The following CCSER1 variants were observed in gnomAD, a reference collection of about 807,000 sequenced individuals.
CCSER1 encodes serine-rich coiled-coil domain-containing protein 1.
Under a neutral mutation model 82.0 loss-of-function variants are expected in CCSER1, and 41 were observed. The observed-to-expected ratio is 0.50, with a 90% CI of 0.39 to 0.65. The LOEUF is 0.65. Ranked by LOEUF, CCSER1 falls within the 30% of genes least tolerant of loss-of-function variation. CCSER1 has a pLI of 0.00. For synonymous variants in CCSER1, 414 were observed against 383.9 expected, an observed-to-expected ratio of 1.08 and a Z score of -0.92; for missense variants, 1,119 against 1,064.2, an observed-to-expected ratio of 1.05 and a Z score of -0.72.
In CCSER1 at chr4:90,393,685, GT is replaced by G. The variant is rs1561156573; in HGVS notation, c.1510-6347del. Reference sequence around the variant, plus strand: ...TCTCTATGAGACATAATTAATGACTGTTTTAGTAATTTAAAAATATTAATAA... The same window carrying G: ...TCTCTATGAGACATAATTAATGACTGTTTAGTAATTTAAAAATATTAATAA... On this transcript the variant is annotated intron_variant, in intron 3 of 10. Transcript: ENST00000509176. Among the ~76,000 whole-genome samples the G allele has an allele frequency of 2.0e-5, 3 of 148,344 alleles. No homozygotes were observed. In the South Asian group the frequency reaches 6.5e-4, roughly 32 times the overall value.
rs1303633871 is a variant in CCSER1 at position 91,275,307 on chromosome 4, GTTTGTTTTTGTTT to G, written c.2217+189329_2217+189341del. 9.1e-4 allele frequency among the ~76,000 whole-genome samples: 102 copies of G among 112,472 alleles called. 1 individual carries two copies. The highest frequency in any genetic ancestry group is 3.2e-4 in the East Asian group (1 of 3,114). The allele number at this position is 112,472 out of a possible 152,430, so 73.8% of individuals were successfully genotyped here. The stretch of plus-strand genomic sequence containing the variant: ...TCCTTGCCAGCATCTGTTTTTTTTT[GTTTGTTTTTGTTT>G]TTTGTTTTTGTTTTTGTTTTTGTCT... On this transcript the variant is annotated intron_variant, in intron 10 of 10. Transcript: ENST00000509176.
intron 6 of CCSER1, among the ~76,000 whole-genome samples, chr4:90,635,277 C>T (rs140355378): frequency 9.9e-5 from 15 of 151,490 alleles, no homozygotes; most frequent in Admixed American, 2.0e-4. Flanking sequence ...TTTTCAAATG[C>T]GAGTGGAACA....
At chr4:90,172,836 G>A (rs1731968503) in intron 1 of CCSER1, among the ~76,000 whole-genome samples, 1 of 151,832 alleles carries the variant, frequency 6.6e-6, no homozygotes, top group South Asian at 2.1e-4. Context: ...TGTGCCTGGT[G>A]GTATGGCTGG....
intron 8 of CCSER1, among the ~76,000 whole-genome samples, chr4:90,864,495 A>G (rs1275908797): frequency 1.3e-5 from 2 of 151,970 alleles, no homozygotes; most frequent in Non-Finnish European, 2.9e-5. Flanking sequence ...CTCTCTCTCC[A>G]TGTGATACCT....
intron 7 of CCSER1, among the ~76,000 whole-genome samples, chr4:90,788,918 C>T (rs1002226941): frequency 1.3e-5 from 2 of 152,074 alleles, no homozygotes; most frequent in East Asian, 3.9e-4. Flanking sequence ...ATTTTCCTCC[C>T]CCAGGCATTC....
chr4:91,355,640 A>G (rs956558460), intron 10 of CCSER1, among the ~76,000 whole-genome samples: 3 of 152,122 alleles, frequency 2.0e-5, no homozygotes, highest in Admixed American at 1.3e-4. Flanking sequence ...AAAAGTCCAA[A>G]TTTTAAGGAA....
chr4:90,298,645 C>A (rs996574977), intron 1 of CCSER1, among the ~76,000 whole-genome samples: 3 of 152,014 alleles, frequency 2.0e-5, no homozygotes, highest in Admixed American at 2.0e-4. Flanking sequence ...CTATAAATTT[C>A]CCTCTACACA....
intron 1 of CCSER1, among the ~76,000 whole-genome samples, chr4:90,168,669 C>G (rs370789361): frequency 2.0e-4 from 31 of 152,058 alleles, no homozygotes; most frequent in East Asian, 9.7e-4. Flanking sequence ...GTAAGGAAGG[C>G]ATCCAGTTTC....
At chr4:90,304,687 T>C (rs1443957108) in intron 1 of CCSER1, among the ~76,000 whole-genome samples, 2 of 152,012 alleles carry the variant, frequency 1.3e-5, no homozygotes, top group African/African-American at 2.4e-5. Flanking sequence ...TTAGGAGATA[T>C]ACCTAATGCT....
At chr4:90,744,814 G>A (rs1215225733) in intron 7 of CCSER1, among the ~76,000 whole-genome samples, 4 of 152,102 alleles carry the variant, frequency 2.6e-5, no homozygotes, top group Non-Finnish European at 2.9e-5. Flanking sequence ...CTAGTGATCT[G>A]AGGTGGAATA....
intron 4 of CCSER1, among the ~76,000 whole-genome samples, chr4:90,434,722 T>C (rs1758775574): frequency 6.6e-6 from 1 of 152,146 alleles, no homozygotes; most frequent in Admixed American, 6.6e-5. Flanking sequence ...GTGGCTGATT[T>C]GAGGAACCTT....
At chr4:91,101,009 A>G (rs572228328) in intron 10 of CCSER1, among the ~76,000 whole-genome samples, 1 of 152,306 alleles carries the variant, frequency 6.6e-6, no homozygotes, top group East Asian at 1.9e-4. Flanking sequence ...ATAGTGACAG[A>G]AAAATACTTT....
chr4:90,582,993 T>C (rs903107381), intron 5 of CCSER1, among the ~76,000 whole-genome samples: 1 of 152,222 alleles, frequency 6.6e-6, no homozygotes, highest in African/African-American at 2.4e-5. Flanking sequence ...TTTCAGTTCT[T>C]AAATACATTC....
chr4:91,249,884 A>G (rs540101495), intron 10 of CCSER1, among the ~76,000 whole-genome samples: 1 of 152,214 alleles, frequency 6.6e-6, no homozygotes, highest in African/African-American at 2.4e-5. Flanking sequence ...AACTCCAAGA[A>G]CTTGGCAAAT....
At chr4:91,376,854 C>T (rs1044394320) in intron 10 of CCSER1, among the ~76,000 whole-genome samples, 4 of 151,916 alleles carry the variant, frequency 2.6e-5, no homozygotes, top group Non-Finnish European at 4.4e-5. Context: ...GTGTGCTGCA[C>T]CCATTAACTC....
At chr4:90,965,758 A>T (rs1734502247) in intron 9 of CCSER1, among the ~76,000 whole-genome samples, 1 of 152,114 alleles carries the variant, frequency 6.6e-6, no homozygotes, top group South Asian at 2.1e-4. Flanking sequence ...AAAAAATGTA[A>T]AAGACGTGAG....
At chr4:90,935,023 T>C (rs1223467940) in intron 9 of CCSER1, among the ~76,000 whole-genome samples, 1 of 151,920 alleles carries the variant, frequency 6.6e-6, no homozygotes, top group African/African-American at 2.4e-5. Context: ...GAAATGCATA[T>C]ATATATGTAT....
At chr4:91,317,718 A>T (rs1745930314) in intron 10 of CCSER1, among the ~76,000 whole-genome samples, 1 of 151,948 alleles carries the variant, frequency 6.6e-6, no homozygotes, top group Admixed American at 6.6e-5. Flanking sequence ...GACTTTTGAG[A>T]ACATGTTGAC....
At position 90,301,907 on chromosome 4, in the gene CCSER1, A is replaced by C. The variant is rs540855034; in HGVS notation, c.-41-6337A>C. Among the ~76,000 whole-genome samples the C allele has an allele frequency of 3.2e-3, 481 of 152,300 alleles. 4 individuals are homozygous for C. Among genetic ancestry groups the C allele is most frequent in the African/African-American group, 0.011 (461 of 41,572 alleles). On this transcript the variant is annotated intron_variant, in intron 1 of 10. Coordinates refer to ENST00000509176, the MANE Select transcript of CCSER1 (RefSeq NM_001145065.2). ...TCTTTCATGAATAATTGAAGTTGCTATGATGACATATTGTTTCATTAAACT... is the reference window on the plus strand; with the variant it reads ...TCTTTCATGAATAATTGAAGTTGCTCTGATGACATATTGTTTCATTAAACT...
Sources: allele counts gnomAD v4.1 joint callset (sites outside exome capture counted in the v4.1 genomes callset), GRCh38; gene constraint gnomAD v4.1.1; transcripts MANE v1.5; gene names NCBI Gene and HGNC (gene_info 2026-07-23, HGNC 2026-07-21).